The following KCNC2 variants were observed in gnomAD, a reference collection of about 807,000 sequenced individuals.
The protein encoded by KCNC2 is voltage-gated potassium channel KCNC2.
Under a neutral mutation model 44.5 loss-of-function variants are expected in KCNC2, and 21 were observed. That is an observed-to-expected ratio of 0.47 (90% CI 0.33 to 0.68). The LOEUF is 0.68. Among genes scored for constraint, KCNC2 ranks in the 30% least tolerant of loss-of-function variants. The pLI is 0.01. For missense variants in KCNC2, 589 were observed against 826.2 expected (o/e 0.71, Z 3.52); for synonymous variants, 391 against 339.1 (o/e 1.15, Z -1.68).
chr12:75,207,199 C>T lies in KCNC2; in HGVS notation c.687+98G>A, dbSNP rs1434829923. ...CTAGGAAATCCCGGGTCTCTTCTAC[C>T]CCCCATGCCTGAGGCCCTGGGGTGG... is the stretch of plus-strand genomic sequence containing the variant. On this transcript the variant is annotated intron_variant, in intron 2 of 4. Transcript: ENST00000549446. The surrounding 1 kb of genome is among the most constrained non-coding windows in gnomAD (Gnocchi z 4.1). 1.1e-5 allele frequency: 16 copies of T among 1,467,660 alleles called. No homozygotes were observed. The Middle Eastern group carries it at 9.0e-4, about 83-fold the overall frequency. The allele number at this position is 1,467,660 out of a possible 1,614,324, so 90.9% of individuals were successfully genotyped here.
intron 2 of KCNC2, among the ~76,000 whole-genome samples, chr12:75,170,034 C>G (rs1891708201): frequency 6.6e-6 from 1 of 151,658 alleles, no homozygotes; most frequent in South Asian, 2.1e-4. Context: ...TTGTTTTAAT[C>G]TATGACTAAG....
intron 2 of KCNC2, among the ~76,000 whole-genome samples, chr12:75,157,449 C>T (rs1890840335): frequency 6.6e-6 from 1 of 151,858 alleles, no homozygotes; most frequent in Non-Finnish European, 1.5e-5. Flanking sequence ...AAAGAAAGCC[C>T]TTGCTTTGTC....
At chr12:75,058,847 C>T (rs889943404) in intron 2 of KCNC2, among the ~76,000 whole-genome samples, 1 of 152,068 alleles carries the variant, frequency 6.6e-6, no homozygotes, top group Non-Finnish European at 1.5e-5. Flanking sequence ...CTAGACCCAC[C>T]TGTAGCTCCA....
chr12:75,129,810 T>G (rs550479535), intron 2 of KCNC2, among the ~76,000 whole-genome samples: 1 of 152,310 alleles, frequency 6.6e-6, no homozygotes, highest in East Asian at 1.9e-4. Flanking sequence ...TGCCTATGAC[T>G]TTACTGTAGT....
At chr12:75,085,627 T>G (rs1227839645) in intron 2 of KCNC2, among the ~76,000 whole-genome samples, 2 of 152,008 alleles carry the variant, frequency 1.3e-5, no homozygotes, top group Non-Finnish European at 2.9e-5. Context: ...GCTCCATTAA[T>G]TCTCTTAGGT....
chr12:75,151,181 A>G (rs984690268), intron 2 of KCNC2, among the ~76,000 whole-genome samples: 1 of 151,972 alleles, frequency 6.6e-6, no homozygotes, highest in Non-Finnish European at 1.5e-5. Context: ...AGAAAATTAA[A>G]TATAGGAGAA....
In KCNC2 at chr12:75,042,629, TTGCTTTCAGGTGATAGAGACAA is replaced by T; in HGVS notation, c.*454_*475del. 8.0e-7 allele frequency: 1 copy of T among 1,254,972 alleles called. No individual in the cohort carries two copies. Among genetic ancestry groups the T allele is most frequent in the Admixed American group, 3.8e-5 (1 of 26,244 alleles). The allele number at this position is 1,254,972 out of a possible 1,614,324, so 77.7% of individuals were successfully genotyped here. A position where few individuals can be genotyped will look rare whatever the true frequency, so the allele number is the denominator to read the frequency against. ...TCCACAGTCCCCGAACTCTGCAACA[TTGCTTTCAGGTGATAGAGACAA>T]GATGGTCCATGCAAATGAGCTGACA... On this transcript the variant is annotated 3_prime_UTR_variant, in exon 5 of 5. Coordinates refer to ENST00000549446, the MANE Select transcript of KCNC2 (RefSeq NM_139137.4).
At chr12:75,079,806 G>C (rs891061697) in intron 2 of KCNC2, among the ~76,000 whole-genome samples, 1 of 152,048 alleles carries the variant, frequency 6.6e-6, no homozygotes, top group African/African-American at 2.4e-5. Flanking sequence ...AATTTTCTGA[G>C]ACATACACTT....
At chr12:75,073,008 A>G (rs955016886) in intron 2 of KCNC2, among the ~76,000 whole-genome samples, 1 of 152,182 alleles carries the variant, frequency 6.6e-6, no homozygotes, top group Admixed American at 6.5e-5. Flanking sequence ...GTCCAAAAAA[A>G]ACCCAAATCT....
rs565051955 is a variant in KCNC2, at chr12:75,175,373, T to G, written c.687+31924A>C. 2.6e-5 allele frequency among the ~76,000 whole-genome samples: 4 copies of G among 152,110 alleles called. No homozygotes were observed. In the East Asian group the frequency reaches 7.7e-4, roughly 29 times the overall value. On this transcript the variant is annotated intron_variant, in intron 2 of 4. Coordinates refer to ENST00000549446, the MANE Select transcript of KCNC2 (RefSeq NM_139137.4). ...TATCATTAGGGAATGGCAAATAAGTTCCTATGGGAGCTCAAGAAAGTAGAG... is the reference window on the plus strand; with the variant it reads ...TATCATTAGGGAATGGCAAATAAGTGCCTATGGGAGCTCAAGAAAGTAGAG...
In KCNC2 at chr12:75,049,610, T is replaced by A. The variant is rs576676449; in HGVS notation, c.1615+780A>T. 3.3e-4 allele frequency among the ~76,000 whole-genome samples: 50 copies of A among 152,136 alleles called. 1 individual carries two copies. In the South Asian group the frequency reaches 8.9e-3, roughly 27 times the overall value. ...GATTCAACTAATCTCAAGCAGTAAA[T>A]CATTCAAAATTCAGTTCTGAGAGAG... On this transcript the variant is annotated intron_variant, in intron 3 of 4. Transcript: ENST00000549446.
chr12:75,064,840 TTTA>T (rs1882670659), intron 2 of KCNC2, among the ~76,000 whole-genome samples: 1 of 152,022 alleles, frequency 6.6e-6, no homozygotes, highest in Non-Finnish European at 1.5e-5. Flanking sequence ...ATTTTGTGAA[TTTA>T]ACTCAATTAA....
chr12:75,168,468 C>A (rs1039162651), intron 2 of KCNC2, among the ~76,000 whole-genome samples: 19 of 151,554 alleles, frequency 1.3e-4, no homozygotes, highest in African/African-American at 4.3e-4. Context: ...AGTGTCTAGA[C>A]TGAGCTCCCA....
chr12:75,206,697 C>T (rs926432630), intron 2 of KCNC2, among the ~76,000 whole-genome samples: 1 of 152,134 alleles, frequency 6.6e-6, no homozygotes, highest in African/African-American at 2.4e-5. Context: ...TATTCGTCTC[C>T]CTTGGAAAGT....
intron 2 of KCNC2, among the ~76,000 whole-genome samples, chr12:75,099,221 G>T (rs1254413461): frequency 2.0e-5 from 3 of 152,152 alleles, no homozygotes; most frequent in African/African-American, 4.8e-5. Flanking sequence ...GGTGCCATTT[G>T]TTCTCAGATA....
rs538192096 is a variant in KCNC2, at chr12:75,187,777, A to G, written c.687+19520T>C. On this transcript the variant is annotated intron_variant, in intron 2 of 4. Transcript: ENST00000549446. ...ACGACTATAAATGAAAATTATGAGA[A>G]CCCAAATTGCCAGAAGAATGCATAT... Among the ~76,000 whole-genome samples the G allele has an allele frequency of 9.2e-5, 14 of 152,316 alleles. No homozygotes were observed. The East Asian group carries it at 2.7e-3, about 29-fold the overall frequency.
At chr12:75,122,390 T>C (rs970482506) in intron 2 of KCNC2, among the ~76,000 whole-genome samples, 2 of 152,190 alleles carry the variant, frequency 1.3e-5, no homozygotes, top group Non-Finnish European at 2.9e-5. Context: ...TCAGAACTCA[T>C]GTAGGTGAGT....
chr12:75,115,148 C>A (rs1887567304), intron 2 of KCNC2, among the ~76,000 whole-genome samples: 1 of 150,848 alleles, frequency 6.6e-6, no homozygotes, highest in Non-Finnish European at 1.5e-5. Context: ...CAAGCGTGAG[C>A]CACCGCGCCC....
intron 2 of KCNC2, among the ~76,000 whole-genome samples, chr12:75,069,959 AG>A (rs1883235020): frequency 6.6e-6 from 1 of 152,172 alleles, no homozygotes; most frequent in South Asian, 2.1e-4. Context: ...ACCAATTAAC[AG>A]GATCGAATTG....
Sources: gnomAD v4.1 joint callset for allele counts (sites outside exome capture counted in the v4.1 genomes callset) on GRCh38, gnomAD v4.1.1 for gene constraint, Gnocchi (gnomAD v3.1) non-coding constraint, MANE v1.5 for transcripts, NCBI Gene and HGNC (gene_info 2026-07-23, HGNC 2026-07-21) for gene names.